TFAP2D: variants seen among roughly 807,000 people sequenced by gnomAD.
The protein encoded by TFAP2D is transcription factor AP-2-delta.
Under a neutral mutation model 43.6 loss-of-function variants are expected in TFAP2D, and 9 were observed. The ratio of observed to expected loss-of-function variants is 0.21; its 90% confidence interval spans 0.12 to 0.36. The LOEUF (loss-of-function observed/expected upper bound fraction) is 0.36. Among genes scored for constraint, TFAP2D ranks in the 10% least tolerant of loss-of-function variants. The pLI is 1.00. For synonymous variants in TFAP2D, 256 were observed against 224.9 expected, an observed-to-expected ratio of 1.14 and a Z score of -1.24; for missense variants, 513 against 561.4, an observed-to-expected ratio of 0.91 and a Z score of 0.87.
intron 5 of TFAP2D, among the ~76,000 whole-genome samples, chr6:50,730,614 T>C (rs1359854451): frequency 6.6e-6 from 1 of 152,088 alleles, no homozygotes; most frequent in East Asian, 1.9e-4. Context: ...TTTAAAAATA[T>C]AACAAAACAG....
chr6:50,724,638 C>G (rs10948573), intron 3 of TFAP2D, among the ~76,000 whole-genome samples: 38,072 of 151,888 alleles, frequency 0.25, 5,517 homozygotes, highest in East Asian at 0.44. Flanking sequence ...TCCAGGGACC[C>G]GCGGCTCCTT....
At chr6:50,773,032 C>CAA (rs112416558) in exon 8 of TFAP2D, 3,016 of 467,808 alleles carry the variant, frequency 6.4e-3, no homozygotes, top group East Asian at 0.013. Flanking sequence ...AGGACAAAAC[C>CAA]AAAAAAAAAA....
At chr6:50,727,022 C>T (rs947116630) in intron 3 of TFAP2D, among the ~76,000 whole-genome samples, 4 of 152,146 alleles carry the variant, frequency 2.6e-5, no homozygotes, top group African/African-American at 4.8e-5. Flanking sequence ...TTTCTAACTG[C>T]GAACAGGTTT....
chr6:50,771,464 A>G (rs1253315402), intron 7 of TFAP2D, among the ~76,000 whole-genome samples: 1 of 152,212 alleles, frequency 6.6e-6, no homozygotes, highest in Non-Finnish European at 1.5e-5. Context: ...ATTACTATGG[A>G]AAAGGAGAAT....
intron 5 of TFAP2D, among the ~76,000 whole-genome samples, chr6:50,736,013 G>T (rs1768959016): frequency 6.6e-6 from 1 of 152,082 alleles, no homozygotes; most frequent in Non-Finnish European, 1.5e-5. Context: ...CTCTTACACA[G>T]GTACCAACAA....
At position 50,728,840 on chromosome 6, in the gene TFAP2D, C is replaced by T; in HGVS notation, c.599-16C>T. 6.2e-7 allele frequency: 1 copy of T among 1,612,924 alleles called. No homozygotes were observed. Among genetic ancestry groups the T allele is most frequent in the Non-Finnish European group, 8.5e-7 (1 of 1,179,452 alleles). On this transcript the variant is annotated splice_polypyrimidine_tract_variant and intron_variant, in intron 3 of 7. Coordinates refer to ENST00000008391, the MANE Select transcript of TFAP2D (RefSeq NM_172238.4). ...TTCACTGTCACTAACATGTTATATA[C>T]TTTTTTTCTCCCAAGGTGGCACCTG... is the stretch of plus-strand genomic sequence containing the variant.
intron 3 of TFAP2D, among the ~76,000 whole-genome samples, chr6:50,720,393 T>C (rs1768699772): frequency 6.6e-6 from 1 of 152,130 alleles, no homozygotes; most frequent in African/African-American, 2.4e-5. Context: ...GCTTTCCTTT[T>C]GGAACTTGGT....
In TFAP2D at chr6:50,766,654, CTTTTTT is replaced by C. The variant is rs763018088; in HGVS notation, c.1140-5971_1140-5966del. 7.0e-4 allele frequency among the ~76,000 whole-genome samples: 40 copies of C among 57,390 alleles called. No individual in the cohort carries two copies. The East Asian group carries it at 0.022, about 32-fold the overall frequency. 37.7% of individuals were successfully genotyped at this position (57,390 alleles called of 152,430 possible). On this transcript the variant is annotated intron_variant, in intron 7 of 7. Coordinates refer to ENST00000008391, the MANE Select transcript of TFAP2D (RefSeq NM_172238.4). ...CCTTTTGATACCATGAGATTGCTTT[CTTTTTT>C]TTTTTTTTTTTTTTTTTTTGAGACG... is the stretch of plus-strand genomic sequence containing the variant.
intron 3 of TFAP2D, among the ~76,000 whole-genome samples, chr6:50,725,209 G>C (rs1768791062): frequency 6.6e-6 from 1 of 152,150 alleles, no homozygotes; most frequent in Admixed American, 6.5e-5. Flanking sequence ...TTTTGTGCTA[G>C]TTTTGTCACA....
chr6:50,714,205 TGGAC>T, intron 1 of TFAP2D, 111 bp downstream of exon 1: 10 of 1,132,744 alleles, frequency 8.8e-6, no homozygotes, highest in South Asian at 2.8e-5. Context: ...TAATCTATAT[TGGAC>T]CGTTACGTTT....
rs1561929887 is a variant in TFAP2D, at chr6:50,715,737, TCTCTCTCTCTCTCA to T, written c.537+126_537+139del. ...CTCTCTTCTCCTCTCTCTCTCTCTC[TCTCTCTCTCTCTCA>T]CACACACACACACACACACACACAC... On this transcript the variant is annotated intron_variant, in intron 2 of 7. Transcript: ENST00000008391. 1,198 of 764,094 alleles carry T rather than the reference TCTCTCTCTCTCTCA, an allele frequency of 1.6e-3. 11 individuals carry two copies. The African/African-American group carries it at 0.02, about 13-fold the overall frequency. 47.3% of individuals were successfully genotyped at this position (764,094 alleles called of 1,614,324 possible). A position where few individuals can be genotyped will look rare whatever the true frequency, so the allele number is the denominator to read the frequency against.
At chr6:50,721,689 C>T (rs988735643) in intron 3 of TFAP2D, among the ~76,000 whole-genome samples, 6 of 152,184 alleles carry the variant, frequency 3.9e-5, no homozygotes, top group African/African-American at 1.2e-4. Flanking sequence ...TCATATAACC[C>T]GATACTGTCT....
intron 6 of TFAP2D, among the ~76,000 whole-genome samples, chr6:50,745,955 C>G (rs151033223): frequency 6.6e-6 from 1 of 151,998 alleles, no homozygotes; most frequent in Non-Finnish European, 1.5e-5. Context: ...CTTGAAAGTT[C>G]GTCGATAATT....
intron 7 of TFAP2D, among the ~76,000 whole-genome samples, chr6:50,752,001 C>G (rs1769207264): frequency 6.6e-6 from 1 of 151,750 alleles, no homozygotes; most frequent in East Asian, 1.9e-4. Flanking sequence ...TGTTTTTTAT[C>G]TTGGTGACAC....
intron 3 of TFAP2D, among the ~76,000 whole-genome samples, chr6:50,719,661 G>C (rs2114029949): frequency 6.6e-6 from 1 of 152,278 alleles, no homozygotes; most frequent in Non-Finnish European, 1.5e-5. Flanking sequence ...GATCATTGAG[G>C]CTTCAGGGGA....
chr6:50,724,510 G>T (rs978513894), intron 3 of TFAP2D, among the ~76,000 whole-genome samples: 10 of 152,168 alleles, frequency 6.6e-5, no homozygotes, highest in Admixed American at 3.3e-4. Context: ...CCGGAAGCCC[G>T]CTAGGAAGTA....
intron 6 of TFAP2D, among the ~76,000 whole-genome samples, chr6:50,750,036 A>G (rs2113885473): frequency 6.6e-6 from 1 of 152,044 alleles, no homozygotes; most frequent in Non-Finnish European, 1.5e-5. Context: ...AAATATCATA[A>G]GTGATCTTTG....
intron 5 of TFAP2D, among the ~76,000 whole-genome samples, chr6:50,733,331 A>T (rs1768919215): frequency 6.6e-6 from 1 of 152,066 alleles, no homozygotes; most frequent in African/African-American, 2.4e-5. Flanking sequence ...AACTCCTTGT[A>T]TGCTGTTTTA....
At chr6:50,737,048 A>G (rs1204941725) in intron 5 of TFAP2D, among the ~76,000 whole-genome samples, 2 of 152,090 alleles carry the variant, frequency 1.3e-5, no homozygotes, top group Non-Finnish European at 2.9e-5. Flanking sequence ...TGGCATGAAC[A>G]CAGCTCACTA....
Sources: gnomAD v4.1 joint callset for allele counts (sites outside exome capture counted in the v4.1 genomes callset) on GRCh38, gnomAD v4.1.1 for gene constraint, MANE v1.5 for transcripts, NCBI Gene and HGNC (gene_info 2026-07-23, HGNC 2026-07-21) for gene names.